The following SAE1 variants were observed in gnomAD, a reference collection of about 807,000 sequenced individuals.
The protein encoded by SAE1 is SUMO1 activating enzyme subunit 1, also known as SUMO-activating enzyme subunit 1.
SAE1 carries 11 observed loss-of-function variants against 40.6 expected under a neutral mutation model. The observed-to-expected ratio is 0.27, with a 90% CI of 0.17 to 0.45. The LOEUF (loss-of-function observed/expected upper bound fraction) is 0.45. Ranked by LOEUF, SAE1 falls within the 20% of genes least tolerant of loss-of-function variation. The probability of loss-of-function intolerance (pLI) is 1.00; values close to 1 mark genes in which losing one functional copy is unlikely to be tolerated. For synonymous variants in SAE1, 155 were observed against 154.3 expected (o/e 1.00, Z -0.03); for missense variants, 373 against 427.3 (o/e 0.87, Z 1.12).
chr19:47,157,044 C>T (rs765971809), intron 5 of SAE1, among the ~76,000 whole-genome samples: 10 of 152,090 alleles, frequency 6.6e-5, no homozygotes, highest in Admixed American at 1.3e-4. Context: ...ATTACGCTAA[C>T]GAGGGGATTC....
At chr19:47,170,888 T>C (rs921778014) in intron 6 of SAE1, among the ~76,000 whole-genome samples, 15 of 152,206 alleles carry the variant, frequency 9.9e-5, no homozygotes, top group African/African-American at 3.6e-4. Context: ...TTGCTATTAA[T>C]GAACTACTTA....
chr19:47,190,868 T>C (rs2058573914), intron 6 of SAE1, among the ~76,000 whole-genome samples: 1 of 152,154 alleles, frequency 6.6e-6, no homozygotes, highest in African/African-American at 2.4e-5. Context: ...GAGGCCCATC[T>C]GGAAAAATGC....
chr19:47,177,690 T>A (rs1247828376), intron 6 of SAE1, among the ~76,000 whole-genome samples: 1 of 152,154 alleles, frequency 6.6e-6, no homozygotes, highest in Non-Finnish European at 1.5e-5. Context: ...TTAAATACAT[T>A]TGCATTATTC....
chr19:47,172,459 T>C (rs1187704915), intron 6 of SAE1, among the ~76,000 whole-genome samples: 1 of 152,058 alleles, frequency 6.6e-6, no homozygotes, highest in East Asian at 1.9e-4. Flanking sequence ...CAGGAAACAA[T>C]GGCGCTAATT....
chr19:47,210,138 GA>G lies in SAE1; in HGVS notation c.*889del. On this transcript the variant is annotated 3_prime_UTR_variant, in exon 9 of 9. Transcript: ENST00000270225. ...GCTGTTTGTGTTTCACATATGTTGT[GA>G]ATTTTCCTTGGTTCTTTTTAAAGGA... 1 of 152,222 alleles carries G rather than the reference GA, an allele frequency of 6.6e-6. No homozygotes were observed. The highest frequency in any genetic ancestry group is 2.1e-4 in the South Asian group (1 of 4,818). 9.4% of individuals were successfully genotyped at this position (152,222 alleles called of 1,614,324 possible). A position where few individuals can be genotyped will look rare whatever the true frequency, so the allele number is the denominator to read the frequency against.
chr19:47,154,118 T>G (rs1248081236), intron 4 of SAE1, among the ~76,000 whole-genome samples: 1 of 151,332 alleles, frequency 6.6e-6, no homozygotes, highest in Non-Finnish European at 1.5e-5. Flanking sequence ...GAGACGGAGT[T>G]TTGCTTTTGT....
intron 1 of SAE1, among the ~76,000 whole-genome samples, chr19:47,139,250 G>A (rs1382915610): frequency 6.6e-6 from 1 of 152,174 alleles, no homozygotes; most frequent in African/African-American, 2.4e-5. Context: ...CACCGTGTTA[G>A]CCACGATGGT....
chr19:47,159,040 C>T (rs1238895927), intron 5 of SAE1, among the ~76,000 whole-genome samples: 4 of 152,060 alleles, frequency 2.6e-5, no homozygotes, highest in Admixed American at 6.6e-5. Flanking sequence ...TTAGGTGCTG[C>T]CAGAGATGAT....
chr19:47,182,961 G>C (rs1270087269), intron 6 of SAE1, among the ~76,000 whole-genome samples: 1 of 152,070 alleles, frequency 6.6e-6, no homozygotes, highest in South Asian at 2.1e-4. Context: ...TGTCAGCCAG[G>C]CTGGAGTGCA....
chr19:47,201,307 A>G (rs1157855192), intron 7 of SAE1, among the ~76,000 whole-genome samples: 1 of 144,242 alleles, frequency 6.9e-6, no homozygotes, highest in African/African-American at 2.6e-5. Context: ...TTGGCCTCCG[A>G]AAGTGCTGGG....
chr19:47,148,598 C>T (rs1400977871), intron 2 of SAE1, among the ~76,000 whole-genome samples: 1 of 151,380 alleles, frequency 6.6e-6, no homozygotes, highest in Non-Finnish European at 1.5e-5. Flanking sequence ...CCCCACTCAT[C>T]TCTCCACCTC....
At position 47,177,529 on chromosome 19, in the gene SAE1, A is replaced by T. The variant is rs573240158; in HGVS notation, c.733+7606A>T. On this transcript the variant is annotated intron_variant, in intron 6 of 8. Transcript: ENST00000270225. ...GTGTGCCACCATGTCCAGCTATTTT[A>T]AAAAATCTGTTTGTACAGATTGGGG... is the stretch of plus-strand genomic sequence containing the variant. 3.3e-3 allele frequency among the ~76,000 whole-genome samples: 498 copies of T among 152,168 alleles called. 2 individuals carry two copies. The highest frequency in any genetic ancestry group is 0.012 in the African/African-American group (483 of 41,510).
rs1429026351 is a variant in SAE1, at chr19:47,130,867, C to T, written c.-64C>T. ...GCGTGCTGCCGGCGGCGGTAGGTGGCGCGCGGGTCCGGCGGGCGGTTGGCT... is the reference window on the plus strand; with the variant it reads ...GCGTGCTGCCGGCGGCGGTAGGTGGTGCGCGGGTCCGGCGGGCGGTTGGCT... On this transcript the variant is annotated 5_prime_UTR_variant, in exon 1 of 9. Transcript: ENST00000270225. The T allele has an allele frequency of 2.0e-5, 31 of 1,543,514 alleles. No individual in the cohort carries two copies. The highest frequency in any genetic ancestry group is 7.4e-5 in the East Asian group (3 of 40,560).
rs1568614129 is a variant in SAE1 at position 47,209,305 on chromosome 19, C to G, written c.*54C>G. The G allele has an allele frequency of 2.5e-6, 4 of 1,613,402 alleles. No homozygotes were observed. The highest frequency in any genetic ancestry group is 3.4e-6 in the Non-Finnish European group (4 of 1,179,614). On this transcript the variant is annotated 3_prime_UTR_variant, in exon 9 of 9. Coordinates refer to ENST00000270225, the MANE Select transcript of SAE1 (RefSeq NM_005500.3). ...CAACTGCAGCATGCCCACCTGTATTCCCTGTCCCCTTCCTTCATGAAGGCA... is the reference window on the plus strand; with the variant it reads ...CAACTGCAGCATGCCCACCTGTATTGCCTGTCCCCTTCCTTCATGAAGGCA...
chr19:47,167,340 C>T lies in SAE1; in HGVS notation c.628-2478C>T, dbSNP rs558178115. On this transcript the variant is annotated intron_variant, in intron 5 of 8. Coordinates refer to ENST00000270225, the MANE Select transcript of SAE1 (RefSeq NM_005500.3). ...GGGGTGTAGTGGCACGATGGGTTCA[C>T]GCCATTCTCCTGCCTCAGCCTCCCG... is the stretch of plus-strand genomic sequence containing the variant. 6.0e-5 allele frequency among the ~76,000 whole-genome samples: 9 copies of T among 150,408 alleles called. No individual in the cohort carries two copies. In the South Asian group the frequency reaches 8.4e-4, roughly 14 times the overall value.
At chr19:47,154,226 G>A (rs943917141) in intron 4 of SAE1, among the ~76,000 whole-genome samples, 2 of 151,916 alleles carry the variant, frequency 1.3e-5, no homozygotes, top group Non-Finnish European at 2.9e-5. Flanking sequence ...GAGTAGCTGG[G>A]ACTGCAGGCA....
chr19:47,169,775 C>A, intron 5 of SAE1, 43 bp from the exon 6 acceptor site: 1 of 1,296,198 alleles, frequency 7.7e-7, no homozygotes, highest in Non-Finnish European at 1.1e-6. Context: ...TGATTGGAAG[C>A]CAGCATATGT....
intron 7 of SAE1, among the ~76,000 whole-genome samples, chr19:47,202,779 G>A (rs1386439887): frequency 1.3e-5 from 2 of 151,884 alleles, no homozygotes; most frequent in African/African-American, 2.4e-5. Flanking sequence ...GCGTGGTGGC[G>A]GGTGCCTGTA....
chr19:47,180,857 G>A (rs1420703861), intron 6 of SAE1, among the ~76,000 whole-genome samples: 1 of 152,122 alleles, frequency 6.6e-6, no homozygotes, highest in Admixed American at 6.6e-5. Context: ...TACATAGAGA[G>A]ACATTGGAGA....
Sources: gnomAD v4.1 joint callset for allele counts (sites outside exome capture counted in the v4.1 genomes callset) on GRCh38, gnomAD v4.1.1 for gene constraint, MANE v1.5 for transcripts, NCBI Gene and HGNC (gene_info 2026-07-23, HGNC 2026-07-21) for gene names.